Variants in SLC12A1 observed in about 807,000 individuals in gnomAD.
SLC12A1 encodes the protein solute carrier family 12 member 1, also known as Na-K-2Cl cotransporter.
In SLC12A1, 89 loss-of-function variants were observed where a neutral mutation model predicts 130.4. That is an observed-to-expected ratio of 0.68 (90% CI 0.58 to 0.81). SLC12A1 has a LOEUF of 0.81. Among genes scored for constraint, SLC12A1 ranks in the 40% least tolerant of loss-of-function variants. The pLI is 0.00. For missense variants in SLC12A1, 1,310 were observed against 1,336.4 expected (o/e 0.98, Z 0.31); for synonymous variants, 499 against 460.0 (o/e 1.08, Z -1.09).
intron 4 of SLC12A1, chr15:48,221,567 A>G (rs2041216641): frequency 2.2e-6 from 1 of 461,078 alleles, no homozygotes; most frequent in Non-Finnish European, 3.8e-6. Flanking sequence ...TATGTGCATT[A>G]CTGTTATTTT....
At chr15:48,301,511 G>GGGGC in intron 26 of SLC12A1, 129 bp downstream of exon 26, 1 of 478,126 alleles carries the variant, frequency 2.1e-6, no homozygotes, top group Non-Finnish European at 3.5e-6. Flanking sequence ...TTGGGGGGGG[G>GGGGC]AACACGTGGG....
Position 48,239,706 on chromosome 15 carries a change from G to A in SLC12A1, c.1216-1809G>A, listed in dbSNP as rs866370099. ...CACTCTGTCACCCTGGCTGGAGTGC[G>A]GTGGCACAATCTCGGCTCACTGCAA... On this transcript the variant is annotated intron_variant, in intron 9 of 26. Transcript: ENST00000380993. Among the ~76,000 whole-genome samples, 7 of 151,580 alleles carry A rather than the reference G, an allele frequency of 4.6e-5. No individual in the cohort carries two copies. The South Asian group carries it at 8.3e-4, about 18-fold the overall frequency.
At chr15:48,258,360 CAAAAAAAAAAAA>C (rs35613910) in intron 16 of SLC12A1, among the ~76,000 whole-genome samples, 1 of 30,244 alleles carries the variant, frequency 3.3e-5, no homozygotes, top group Non-Finnish European at 4.2e-5. Context: ...GACTCCGTCT[CAAAAAAAAAAAA>C]AAAAAAAAAA....
Position 48,251,694 on chromosome 15 carries a change from C to T in SLC12A1, c.1866C>T (p.Val622=). The change falls in exon 15 of 27, where the codon GTC becomes GTT. Residue 622 remains valine, a synonymous_variant. Transcript: ENST00000380993. The part of the protein sequence containing the change: ...GAVLCCAVMF[V]INWWAAVITY... ...TTTTGTGCTGTGCAGTCATGTTTGT[C>T]ATCAACTGGTGGGCAGCTGTCATCA... is the stretch of plus-strand genomic sequence containing the variant. 6.2e-7 allele frequency: 1 copy of T among 1,613,546 alleles called. No homozygotes were observed. Among genetic ancestry groups the T allele is most frequent in the Non-Finnish European group, 8.5e-7 (1 of 1,179,530 alleles).
At chr15:48,278,180 C>A (rs1597449601) in intron 20 of SLC12A1, among the ~76,000 whole-genome samples, 1 of 152,186 alleles carries the variant, frequency 6.6e-6, no homozygotes, top group South Asian at 2.1e-4. Context: ...GGAGGCGGAG[C>A]TTGCAGTGAG....
At chr15:48,215,045 AT>A (rs2041103527) in intron 2 of SLC12A1, among the ~76,000 whole-genome samples, 1 of 152,068 alleles carries the variant, frequency 6.6e-6, no homozygotes, top group Non-Finnish European at 1.5e-5. Context: ...AACTTAAAGA[AT>A]AAATATATTT....
chr15:48,246,932 C>G lies in SLC12A1; in HGVS notation c.1476C>G (p.Phe492Leu). The change falls in exon 12 of 27, where the codon TTC becomes TTG. Residue 492 changes from phenylalanine to leucine, a missense_variant. Transcript: ENST00000380993. ...AGGTCATGAGCATGGTATCAGGGTT[C>G]GGCCCCCTCATCACTGCGGGAATCT... ...NFQVMSMVSG[F>L]GPLITAGIFS... The G allele has an allele frequency of 6.2e-7, 1 of 1,613,696 alleles. No homozygotes were observed. Among genetic ancestry groups the G allele is most frequent in the Non-Finnish European group, 8.5e-7 (1 of 1,179,642 alleles).
intron 19 of SLC12A1, among the ~76,000 whole-genome samples, chr15:48,271,592 T>C (rs1241122709): frequency 6.6e-6 from 1 of 152,210 alleles, no homozygotes; most frequent in East Asian, 1.9e-4. Flanking sequence ...ATAACTTTTA[T>C]CTTCTGAATG....
intron 2 of SLC12A1, among the ~76,000 whole-genome samples, chr15:48,214,252 A>G (rs2041091713): frequency 6.6e-6 from 1 of 152,194 alleles, no homozygotes; most frequent in African/African-American, 2.4e-5. Context: ...AGCTCACACT[A>G]TTAAAACAAT....
Position 48,255,838 on chromosome 15 carries a change from C to A in SLC12A1, c.1970C>A (p.Ala657Asp). 1.9e-6 allele frequency: 3 copies of A among 1,608,004 alleles called. No individual in the cohort carries two copies. The highest frequency in any genetic ancestry group is 2.5e-6 in the Non-Finnish European group (3 of 1,177,066). Residue 657 changes from alanine (A) to aspartate (D), a missense_variant, in exon 16 of 27, where the codon GCT becomes GAT. Ala to Asp is a moderately radical substitution (Grantham distance 126, BLOSUM62 -2). Coordinates refer to ENST00000380993, the MANE Select transcript of SLC12A1 (RefSeq NM_000338.3). ...GTGAACTGGGGCTCCTCCACACAGGCTCTTTCCTACGTGAGTGCTTTAGAC... is the reference window on the plus strand; with the variant it reads ...GTGAACTGGGGCTCCTCCACACAGGATCTTTCCTACGTGAGTGCTTTAGAC... ...PDVNWGSSTQ[A>D]LSYVSALDNA...
chr15:48,287,959 A>T, intron 21 of SLC12A1, 84 bp from the exon 22 acceptor site: 1 of 1,431,278 alleles, frequency 7.0e-7, no homozygotes, highest in Non-Finnish European at 9.4e-7. Context: ...CCTTTTCTCT[A>T]TTTTCATCAC....
At chr15:48,296,442 A>G (rs1056535092) in intron 24 of SLC12A1, among the ~76,000 whole-genome samples, 3 of 152,202 alleles carry the variant, frequency 2.0e-5, no homozygotes, top group Non-Finnish European at 2.9e-5. Context: ...TTTTTATTGT[A>G]TAGACTGAAT....
At chr15:48,238,452 T>C (rs988812645) in intron 9 of SLC12A1, among the ~76,000 whole-genome samples, 16 of 151,866 alleles carry the variant, frequency 1.1e-4, no homozygotes, top group African/African-American at 3.4e-4. Flanking sequence ...AAAGTATTAA[T>C]GGTAAAAAGC....
intron 7 of SLC12A1, among the ~76,000 whole-genome samples, 180 bp downstream of exon 7, chr15:48,230,683 T>A (rs112949122): frequency 2.0e-5 from 3 of 152,226 alleles, no homozygotes; most frequent in East Asian, 3.8e-4. Context: ...GCAGTCATGA[T>A]TCAGGGCTCA....
chr15:48,214,239 G>A (rs1170951845), intron 2 of SLC12A1, among the ~76,000 whole-genome samples: 1 of 151,994 alleles, frequency 6.6e-6, no homozygotes, highest in South Asian at 2.1e-4. Flanking sequence ...CAGTTCCCCG[G>A]GGAGCTCACA....
chr15:48,267,538 C>T, intron 17 of SLC12A1, 23 bp from the exon 18 acceptor site: 1 of 1,612,318 alleles, frequency 6.2e-7, no homozygotes, highest in Non-Finnish European at 8.5e-7. Flanking sequence ...GGGTTCTAAC[C>T]AATATTTCAT....
At chr15:48,302,724 T>C in intron 26 of SLC12A1, 26 bp from the exon 27 acceptor site, 1 of 1,580,238 alleles carries the variant, frequency 6.3e-7, no homozygotes, top group Non-Finnish European at 8.6e-7. Context: ...CACTTTCATT[T>C]TTAAATTTTT....
rs1389710955 is a variant in SLC12A1, at chr15:48,230,395, G to T, written c.867G>T (p.Glu289Asp). The change falls in exon 7 of 27, where the codon GAG (glutamate) becomes GAT (aspartate). Residue 289 changes from glutamate (E) to aspartate (D), a missense_variant and splice_region_variant. Physicochemically the swap from Glu to Asp is conservative, Grantham distance 45. Transcript: ENST00000380993. ...CACTTAATAATTTGTTTCCCCAGGA[G>T]AGTGATTCGATGATGGTGGATCCAA... Reference protein sequence around the residue: ...FAETVVDLLKESDSMMVDPTN... With the variant: ...FAETVVDLLKDSDSMMVDPTN... The T allele has an allele frequency of 1.2e-6, 2 of 1,602,624 alleles. No homozygotes were observed. Among genetic ancestry groups the T allele is most frequent in the Admixed American group, 3.4e-5 (2 of 59,674 alleles).
chr15:48,249,497 A>G, intron 13 of SLC12A1, 78 bp from the exon 14 acceptor site: 4 of 1,056,218 alleles, frequency 3.8e-6, no homozygotes, highest in Non-Finnish European at 5.9e-6. Context: ...AATAAATTCA[A>G]GCTTCGAGGC....
Sources: gnomAD v4.1 joint callset for allele counts (sites outside exome capture counted in the v4.1 genomes callset) on GRCh38, gnomAD v4.1.1 for gene constraint, MANE v1.5 for transcripts, NCBI Gene and HGNC (gene_info 2026-07-23, HGNC 2026-07-21) for gene names.